SPATA13: variants seen among roughly 807,000 people sequenced by gnomAD.
The protein encoded by SPATA13 is spermatogenesis associated 13.
Under a neutral mutation model 104.0 loss-of-function variants are expected in SPATA13, and 50 were observed. The observed-to-expected ratio is 0.48, with a 90% CI of 0.38 to 0.61. The LOEUF is 0.61. Among genes scored for constraint, SPATA13 ranks in the 20% least tolerant of loss-of-function variants. SPATA13 has a pLI of 0.00. For synonymous variants in SPATA13, 606 were observed against 667.5 expected (o/e 0.91, Z 1.42); for missense variants, 1,524 against 1,690.6 (o/e 0.90, Z 1.73).
chr13:24,127,612 C>G (rs141999313), intron 3 of SPATA13, among the ~76,000 whole-genome samples: 7 of 152,174 alleles, frequency 4.6e-5, no homozygotes, highest in Non-Finnish European at 7.3e-5. Flanking sequence ...CAGTTTAGAG[C>G]CTTCCAGCCC....
intron 1 of SPATA13, among the ~76,000 whole-genome samples, chr13:24,215,734 C>T (rs1248347824): frequency 2.6e-5 from 4 of 152,156 alleles, no homozygotes; most frequent in Admixed American, 2.6e-4. Context: ...GTGACTTAGC[C>T]TGTGAACTCA....
intron 3 of SPATA13, among the ~76,000 whole-genome samples, chr13:24,132,353 C>T (rs1012624775): frequency 2.6e-5 from 4 of 152,150 alleles, no homozygotes; most frequent in African/African-American, 7.2e-5. Context: ...TTCATAGGGC[C>T]ATCTGGACCA....
At position 24,122,254 on chromosome 13, in the gene SPATA13, C is replaced by A. The variant is rs1881053643; in HGVS notation, c.-111-100565C>A. 2.3e-6 allele frequency: 3 copies of A among 1,313,810 alleles called. No individual in the cohort carries two copies. In the African/African-American group the frequency reaches 4.4e-5, roughly 19 times the overall value. 81.4% of individuals were successfully genotyped at this position (1,313,810 alleles called of 1,614,324 possible). ...AAAGATGGTGAGTCAGAGCCTGATA[C>A]CACACAGGATTACGATTTTGAATAG... On this transcript the variant is annotated intron_variant, in intron 3 of 14. Transcript: ENST00000424834.
At chr13:24,170,105 A>G (rs1882906916) in intron 1 of SPATA13, among the ~76,000 whole-genome samples, 1 of 152,238 alleles carries the variant, frequency 6.6e-6, no homozygotes, top group African/African-American at 2.4e-5. Context: ...TTACCACATT[A>G]GGCCTCAAAT....
chr13:24,214,741 G>C (rs554139863), intron 1 of SPATA13, among the ~76,000 whole-genome samples: 3 of 152,090 alleles, frequency 2.0e-5, no homozygotes, highest in African/African-American at 7.2e-5. Context: ...TAGTTGCATG[G>C]GGACTCTCAC....
rs766648249 is a variant in SPATA13 at position 24,290,644 on chromosome 13, C to G, written c.2848-8C>G. On this transcript the variant is annotated splice_region_variant and splice_polypyrimidine_tract_variant and intron_variant, in intron 8 of 12. Coordinates refer to ENST00000382108, the MANE Select transcript of SPATA13 (RefSeq NM_001166271.3). ...AGAAGCTGACGAAGCTGTACTTTTC[C>G]TTCCCAGCAAGAGGGCTTTGCCATC... is the stretch of plus-strand genomic sequence containing the variant. 6.2e-7 allele frequency: 1 copy of G among 1,612,992 alleles called. No individual in the cohort carries two copies. The highest frequency in any genetic ancestry group is 1.7e-5 in the Admixed American group (1 of 60,022).
intron 3 of SPATA13, among the ~76,000 whole-genome samples, chr13:24,136,929 A>T (rs1460664837): frequency 1.9e-5 from 1 of 52,856 alleles, no homozygotes; most frequent in Non-Finnish European, 4.2e-5. Flanking sequence ...TCCCAGGTTC[A>T]CGCCATTCTC....
intron 1 of SPATA13, among the ~76,000 whole-genome samples, chr13:24,215,504 T>C (rs1477905149): frequency 1.3e-5 from 2 of 152,096 alleles, no homozygotes; most frequent in Non-Finnish European, 2.9e-5. Flanking sequence ...TGAAAATTAA[T>C]CTCATTTCCT....
chr13:24,284,446 T>C (rs1875774662), intron 5 of SPATA13, among the ~76,000 whole-genome samples, 175 bp downstream of exon 5: 1 of 152,124 alleles, frequency 6.6e-6, no homozygotes, highest in African/African-American at 2.4e-5. Flanking sequence ...GGATCATTAG[T>C]GGTCAAGAGT....
At chr13:24,302,516 G>A in intron 12 of SPATA13, 82 bp from the exon 13 acceptor site, 1 of 737,098 alleles carries the variant, frequency 1.4e-6, no homozygotes, top group East Asian at 3.0e-5. Context: ...TGGACTTGGA[G>A]TCTCAGCATT....
chr13:23,986,423 A>G (rs191738285), intron 2 of SPATA13, among the ~76,000 whole-genome samples: 1 of 152,280 alleles, frequency 6.6e-6, no homozygotes, highest in Non-Finnish European at 1.5e-5. Flanking sequence ...TGTTATCTGC[A>G]GGAAGAGGGT....
chr13:24,001,956 T>C (rs1875994833), intron 2 of SPATA13, among the ~76,000 whole-genome samples: 1 of 151,800 alleles, frequency 6.6e-6, no homozygotes, highest in Non-Finnish European at 1.5e-5. Context: ...GGAGACTGCA[T>C]GGCCACAATG....
intron 3 of SPATA13, among the ~76,000 whole-genome samples, chr13:24,058,530 A>G (rs944105811): frequency 6.6e-6 from 1 of 151,892 alleles, no homozygotes; most frequent in Non-Finnish European, 1.5e-5. Flanking sequence ...ATAGGGCTAC[A>G]CATTACTTAG....
chr13:24,038,943 A>G (rs1877817015), intron 3 of SPATA13, among the ~76,000 whole-genome samples: 1 of 152,180 alleles, frequency 6.6e-6, no homozygotes, highest in Non-Finnish European at 1.5e-5. Flanking sequence ...ATCCCAGGCA[A>G]TGGGCCAGAC....
At position 24,248,351 on chromosome 13, in the gene SPATA13, G is replaced by T. The variant is rs573760583; in HGVS notation, c.1654-1126G>T. ...ATGGCTGCAGAGCCAGATCACAGAA[G>T]TTAGGTGACTTGCCTGAGATTGCAC... On this transcript the variant is annotated intron_variant, in intron 2 of 12. Coordinates refer to ENST00000382108, the MANE Select transcript of SPATA13 (RefSeq NM_001166271.3). Among the ~76,000 whole-genome samples the T allele has an allele frequency of 5.3e-5, 8 of 152,376 alleles. No homozygotes were observed. In the East Asian group the frequency reaches 1.5e-3, roughly 29 times the overall value.
intron 3 of SPATA13, among the ~76,000 whole-genome samples, chr13:24,134,502 A>C (rs537656263): frequency 6.6e-6 from 1 of 152,322 alleles, no homozygotes; most frequent in African/African-American, 2.4e-5. Flanking sequence ...TGGCAGCTTA[A>C]GCCAGGCCTG....
chr13:24,086,371 G>A (rs1159253125), intron 3 of SPATA13, among the ~76,000 whole-genome samples: 1 of 152,104 alleles, frequency 6.6e-6, no homozygotes, highest in Non-Finnish European at 1.5e-5. Context: ...TTTTGTGATC[G>A]CAGGGTCCTC....
At chr13:24,022,943 T>C (rs887869040) in intron 3 of SPATA13, among the ~76,000 whole-genome samples, 7 of 152,076 alleles carry the variant, frequency 4.6e-5, no homozygotes, top group African/African-American at 1.7e-4. Context: ...TCTTCTTTTT[T>C]TTTATTATTA....
chr13:24,242,023 A>T (rs1000607354), intron 2 of SPATA13, among the ~76,000 whole-genome samples: 1 of 151,954 alleles, frequency 6.6e-6, no homozygotes, highest in African/African-American at 2.4e-5. Flanking sequence ...ACTTACTTCA[A>T]TCTGAATGAC....
Sources: gnomAD v4.1 joint callset for allele counts (sites outside exome capture counted in the v4.1 genomes callset) on GRCh38, gnomAD v4.1.1 for gene constraint, MANE v1.5 for transcripts, NCBI Gene and HGNC (gene_info 2026-07-23, HGNC 2026-07-21) for gene names.